The following EML6 variants were observed in gnomAD, a reference collection of about 807,000 sequenced individuals.
EML6 encodes the protein echinoderm microtubule-associated protein-like 6.
Under a neutral mutation model 240.1 loss-of-function variants are expected in EML6, and 154 were observed. The observed-to-expected ratio is 0.64, with a 90% confidence interval of 0.56 to 0.73. The LOEUF (loss-of-function observed/expected upper bound fraction) is 0.73. EML6 is among the 30% of genes least tolerant of loss of function. The pLI is 0.00. For missense variants in EML6, 2,964 were observed against 2,474.6 expected (o/e 1.20, Z -4.20); for synonymous variants, 1,148 against 899.0 (o/e 1.28, Z -4.95).
intron 15 of EML6, among the ~76,000 whole-genome samples, chr2:54,869,841 T>C (rs1485985259): frequency 1.3e-5 from 2 of 152,204 alleles, no homozygotes; most frequent in Non-Finnish European, 2.9e-5. Context: ...GAACTTTTTT[T>C]TGAAATGCCT....
chr2:54,782,120 T>C, intron 2 of EML6, among the ~76,000 whole-genome samples: 1 of 152,318 alleles, frequency 6.6e-6, no homozygotes, highest in South Asian at 2.1e-4. Flanking sequence ...TAATAAAACA[T>C]TTAAAATAAG....
chr2:54,821,902 A>G (rs1443188568), intron 5 of EML6, among the ~76,000 whole-genome samples: 1 of 150,248 alleles, frequency 6.7e-6, no homozygotes, highest in South Asian at 2.1e-4. Context: ...AAATTGGAGA[A>G]AGATTTTTTT....
intron 24 of EML6, among the ~76,000 whole-genome samples, chr2:54,904,520 G>A (rs113054648): frequency 1.1e-4 from 16 of 152,156 alleles, no homozygotes; most frequent in Non-Finnish European, 1.5e-5. Context: ...GAGATAAGGA[G>A]AAATCCACCA....
chr2:54,725,238 A>C lies in EML6; in HGVS notation c.177A>C (p.Gly59=). 1 of 1,486,758 alleles carries C rather than the reference A, an allele frequency of 6.7e-7. No homozygotes were observed. The highest frequency in any genetic ancestry group is 9.0e-7 in the Non-Finnish European group (1 of 1,112,602). The allele number at this position is 1,486,758 out of a possible 1,614,324, so 92.1% of individuals were successfully genotyped here. Residue 59 remains glycine (G), a synonymous_variant, in exon 2 of 42, where the codon GGA becomes GGC. Transcript: ENST00000356458. This position sits in a 1 kb window ranked among gnomAD's most constrained non-coding sequence, Gnocchi z 4.3. ...TREHSQKFFL[G]HNDDIISLAL... is the part of the protein sequence containing the mutation. ...AGCACAGCCAAAAATTCTTCCTGGG[A>C]CACAACGACGACATTATCAGGTAAG... is the stretch of plus-strand genomic sequence containing the variant.
intron 2 of EML6, among the ~76,000 whole-genome samples, chr2:54,746,381 A>C (rs1055607963): frequency 2.0e-5 from 3 of 151,440 alleles, no homozygotes; most frequent in Non-Finnish European, 4.4e-5. Context: ...TGGAGCAACA[A>C]GTCAGAGGTT....
In EML6 at chr2:54,912,849, G is replaced by A. The variant is rs149224581; in HGVS notation, c.3498+1807G>A. On this transcript the variant is annotated intron_variant, in intron 25 of 41. Coordinates refer to ENST00000356458, the MANE Select transcript of EML6 (RefSeq NM_001039753.4). ...GTTGATTCCATAGCTTTGCTATTGTGAATAGTGCTGCAATGAATATATGAG... is the reference window on the plus strand; with the variant it reads ...GTTGATTCCATAGCTTTGCTATTGTAAATAGTGCTGCAATGAATATATGAG... 2.0e-5 allele frequency among the ~76,000 whole-genome samples: 3 copies of A among 152,304 alleles called. No homozygotes were observed. The East Asian group carries it at 5.8e-4, about 29-fold the overall frequency.
At chr2:54,875,679 C>CT (rs1208823902) in intron 16 of EML6, among the ~76,000 whole-genome samples, 1 of 152,170 alleles carries the variant, frequency 6.6e-6, no homozygotes, top group Non-Finnish European at 1.5e-5. Flanking sequence ...TGTAACTGGG[C>CT]TACAAGGACA....
intron 26 of EML6, among the ~76,000 whole-genome samples, chr2:54,926,851 A>T (rs988089322): frequency 6.6e-6 from 1 of 151,762 alleles, no homozygotes; most frequent in East Asian, 1.9e-4. Flanking sequence ...TGTTTCCTTG[A>T]ACCTTTCTTT....
In EML6 at chr2:54,871,556, G is replaced by A. The variant is rs766342942; in HGVS notation, c.2295G>A (p.Ser765=). ...ACACACAAACTCTAAAATGTTTGTC[G>A]CTGTTGAAAGGACAACATCAGAGAG... The part of the protein sequence containing the change: ...VWDTQTLKCL[S]LLKGQHQRGV... The change falls in exon 16 of 42, where the codon TCG becomes TCA. Residue 765 remains serine, a synonymous_variant. Transcript: ENST00000356458. The A allele has an allele frequency of 2.6e-5, 41 of 1,551,630 alleles. No homozygotes were observed. The highest frequency in any genetic ancestry group is 7.1e-5 in the South Asian group (6 of 84,068).
chr2:54,772,593 A>G (rs1056549594), intron 2 of EML6, among the ~76,000 whole-genome samples: 2 of 152,206 alleles, frequency 1.3e-5, no homozygotes, highest in Non-Finnish European at 2.9e-5. Flanking sequence ...AATTTACTGA[A>G]TGCCTACCAT....
chr2:54,917,317 A>C (rs10153802), intron 26 of EML6, among the ~76,000 whole-genome samples: 81,840 of 147,522 alleles, frequency 0.55, 24,156 homozygotes, highest in African/African-American at 0.79. Flanking sequence ...AAACGTTTTT[A>C]TCTATCTTGA....
intron 4 of EML6, among the ~76,000 whole-genome samples, chr2:54,818,261 T>G (rs1416001930): frequency 6.6e-6 from 1 of 152,184 alleles, no homozygotes; most frequent in Non-Finnish European, 1.5e-5. Flanking sequence ...GAGCTTTTAT[T>G]GTTAAATTAT....
chr2:54,766,306 G>A (rs1317402808), intron 2 of EML6, among the ~76,000 whole-genome samples: 2 of 152,178 alleles, frequency 1.3e-5, no homozygotes, highest in South Asian at 2.1e-4. Context: ...CAGATCACGT[G>A]TTAAACATAT....
intron 2 of EML6, among the ~76,000 whole-genome samples, chr2:54,744,807 T>C (rs868241677): frequency 8.4e-4 from 127 of 151,938 alleles, no homozygotes; most frequent in African/African-American, 2.6e-3. Flanking sequence ...ACATTAGAAG[T>C]GCACAGAAGA....
rs916686653 is a variant in EML6, at chr2:54,850,339, C to T, written c.1444+121C>T. On this transcript the variant is annotated intron_variant, in intron 10 of 41. Coordinates refer to ENST00000356458, the MANE Select transcript of EML6 (RefSeq NM_001039753.4). ...GTACAGCAGGTTTTCTGGTTTTTGC[C>T]GGAAAGCACCCCCACCTCAGGGCAA... 76 of 840,902 alleles carry T rather than the reference C, an allele frequency of 9.0e-5. 1 individual carries two copies. In the East Asian group the frequency reaches 1.5e-3, roughly 17 times the overall value. 52.1% of individuals were successfully genotyped at this position (840,902 alleles called of 1,614,324 possible).
At position 54,809,203 on chromosome 2, in the gene EML6, T is replaced by A. The variant is rs561979773; in HGVS notation, c.198-4029T>A. 2.0e-5 allele frequency among the ~76,000 whole-genome samples: 3 copies of A among 152,334 alleles called. No individual in the cohort carries two copies. The East Asian group carries it at 5.8e-4, about 29-fold the overall frequency. On this transcript the variant is annotated intron_variant, in intron 2 of 41. Coordinates refer to ENST00000356458, the MANE Select transcript of EML6 (RefSeq NM_001039753.4). Reference sequence around the variant, plus strand: ...AAATAACTTGCAAAAGTTGCAAGTCTTCTTAGAAAAGCAAAGAATTAAATA... The same window carrying A: ...AAATAACTTGCAAAAGTTGCAAGTCATCTTAGAAAAGCAAAGAATTAAATA...
At chr2:54,902,399 T>C (rs1673105551) in intron 22 of EML6, among the ~76,000 whole-genome samples, 1 of 152,138 alleles carries the variant, frequency 6.6e-6, no homozygotes, top group Admixed American at 6.6e-5. Flanking sequence ...GGAGAAGAGA[T>C]ACTTAATTTT....
chr2:54,818,463 T>A lies in EML6; in HGVS notation c.456+1578T>A, dbSNP rs553182277. Reference sequence around the variant, plus strand: ...TCAGACCATGCCCAAATAAAGCAAATTCGGTGCTGAAACTAGGAAAGCTGT... The same window carrying A: ...TCAGACCATGCCCAAATAAAGCAAAATCGGTGCTGAAACTAGGAAAGCTGT... On this transcript the variant is annotated intron_variant, in intron 4 of 41. Transcript: ENST00000356458. Among the ~76,000 whole-genome samples, 280 of 152,216 alleles carry A rather than the reference T, an allele frequency of 1.8e-3. 1 individual carries two copies. Among genetic ancestry groups the A allele is most frequent in the African/African-American group, 6.4e-3 (265 of 41,528 alleles).
intron 17 of EML6, chr2:54,882,990 A>G (rs1671920187): frequency 6.6e-6 from 1 of 151,740 alleles, no homozygotes; most frequent in Admixed American, 6.6e-5. Flanking sequence ...CTTTACATGC[A>G]TTTAATGACT....
Sources: allele counts gnomAD v4.1 joint callset (sites outside exome capture counted in the v4.1 genomes callset), GRCh38; gene constraint gnomAD v4.1.1; non-coding constraint Gnocchi (gnomAD v3.1); transcripts MANE v1.5; gene names NCBI Gene and HGNC (gene_info 2026-07-23, HGNC 2026-07-21).